HAGH: variants seen among roughly 807,000 people sequenced by gnomAD.
The protein encoded by HAGH is hydroxyacylglutathione hydrolase.
A neutral mutation model predicts 35.1 loss-of-function variants in HAGH; 29 were observed. The observed-to-expected ratio is 0.83, with a 90% CI of 0.62 to 1.13. The LOEUF is 1.13. HAGH is among the 50% of genes most tolerant of loss of function. The pLI is 0.00. For missense variants in HAGH, 478 were observed against 419.6 expected (o/e 1.14, Z -1.22); for synonymous variants, 225 against 176.1 (o/e 1.28, Z -2.20).
At chr16:1,812,696 G>A (rs893391402) in intron 7 of HAGH, among the ~76,000 whole-genome samples, 1 of 152,062 alleles carries the variant, frequency 6.6e-6, no homozygotes, top group African/African-American at 2.4e-5. Context: ...TTCTTAGATG[G>A]GAGACAAAAA....
chr16:1,813,171 G>C (rs916164943), intron 7 of HAGH, among the ~76,000 whole-genome samples: 1 of 152,188 alleles, frequency 6.6e-6, no homozygotes, highest in Non-Finnish European at 1.5e-5. Flanking sequence ...CCTGCTCCAA[G>C]TGCGAGTTTT....
intron 7 of HAGH, among the ~76,000 whole-genome samples, chr16:1,814,407 G>T (rs1430970551): frequency 6.6e-6 from 1 of 151,460 alleles, no homozygotes; most frequent in African/African-American, 2.4e-5. Flanking sequence ...CCAGGAGGTG[G>T]ATGTTGCGGT....
rs143044850 is a variant in HAGH, at chr16:1,813,115, G to A, written c.748-3282C>T. Among the ~76,000 whole-genome samples the A allele has an allele frequency of 3.7e-3, 565 of 152,322 alleles. 3 individuals carry two copies. Among genetic ancestry groups the A allele is most frequent in the Non-Finnish European group, 4.6e-3 (311 of 68,034 alleles). On this transcript the variant is annotated intron_variant, in intron 7 of 8. Transcript: ENST00000397356. ...GCTCAAATCTGATCCCCAATTAATGGAGGTGTTTGGATCATGGGGGGAATC... is the reference window on the plus strand; with the variant it reads ...GCTCAAATCTGATCCCCAATTAATGAAGGTGTTTGGATCATGGGGGGAATC...
Position 1,809,430 on chromosome 16 carries a change from C to A in HAGH, c.828-48G>T, listed in dbSNP as rs1444988223. 21 of 1,491,342 alleles carry A rather than the reference C, an allele frequency of 1.4e-5. 1 individual carries two copies. Among genetic ancestry groups the A allele is most frequent in the Non-Finnish European group, 1.9e-5 (20 of 1,078,990 alleles). 92.4% of individuals were successfully genotyped at this position (1,491,342 alleles called of 1,614,324 possible). ...GCAGGCTGTGCCGAGCCACGCCCAC[C>A]GGAGGAGCCAGGGCCACTGCAGAGG... On this transcript the variant is annotated intron_variant, in intron 8 of 8. Transcript: ENST00000397356.
upstream of HAGH, chr16:1,826,827 C>A: frequency 8.3e-7 from 1 of 1,200,024 alleles, no homozygotes; most frequent in Non-Finnish European, 1.1e-6. Flanking sequence ...CCCAGGACTG[C>A]AAAACACCGG....
upstream of HAGH, chr16:1,826,951 C>T: frequency 1.6e-6 from 1 of 626,354 alleles, no homozygotes; most frequent in Non-Finnish European, 2.5e-6. Flanking sequence ...TTGTTTTGTC[C>T]GCGAGCCCCG....
chr16:1,814,124 CTT>C (rs1897781039), intron 7 of HAGH, among the ~76,000 whole-genome samples: 1 of 152,178 alleles, frequency 6.6e-6, no homozygotes, highest in Non-Finnish European at 1.5e-5. Context: ...AGGAGAAAGT[CTT>C]TGTGAGCTAA....
intron 8 of HAGH, 66 bp from the exon 9 acceptor site, chr16:1,809,448 T>C (rs761256179): frequency 7.4e-7 from 1 of 1,342,584 alleles, no homozygotes; most frequent in Non-Finnish European, 1.1e-6. Flanking sequence ...CCAGGGCCAC[T>C]GCAGAGGAAG....
In HAGH at chr16:1,820,080, G is replaced by A. The variant is rs1010866753; in HGVS notation, c.315-66C>T. ...AGGGGGCTGCCTGCTGAGCTGAGGGGGCTGCCTGCTGAGCTGAGGGGCTGC... is the reference window on the plus strand; with the variant it reads ...AGGGGGCTGCCTGCTGAGCTGAGGGAGCTGCCTGCTGAGCTGAGGGGCTGC... On this transcript the variant is annotated intron_variant, in intron 3 of 8. Coordinates refer to ENST00000397356, the MANE Select transcript of HAGH (RefSeq NM_005326.6). 11 of 832,544 alleles carry A rather than the reference G, an allele frequency of 1.3e-5. No individual in the cohort carries two copies. In the South Asian group the frequency reaches 1.5e-4, roughly 12 times the overall value. The allele number at this position is 832,544 out of a possible 1,614,324, so 51.6% of individuals were successfully genotyped here.
At chr16:1,813,600 A>G (rs1372474747) in intron 7 of HAGH, among the ~76,000 whole-genome samples, 1 of 152,254 alleles carries the variant, frequency 6.6e-6, no homozygotes, top group Non-Finnish European at 1.5e-5. Context: ...TCATAGATGG[A>G]AAGCTCACAG....
intron 4 of HAGH, among the ~76,000 whole-genome samples, chr16:1,819,594 AG>A (rs1476249668): frequency 1.3e-5 from 2 of 152,148 alleles, no homozygotes; most frequent in Non-Finnish European, 2.9e-5. Context: ...ACCCTCAAAA[AG>A]GCTGAAGACA....
At chr16:1,821,948 T>TTG (rs1324605008) in intron 3 of HAGH, 80 of 122,602 alleles carry the variant, frequency 6.5e-4, no homozygotes, top group South Asian at 1.0e-3. Context: ...TTTTTTGTTT[T>TTG]TTTGTTTTTT....
intron 3 of HAGH, among the ~76,000 whole-genome samples, chr16:1,820,537 A>T (rs993864712): frequency 1.5e-4 from 23 of 152,180 alleles, no homozygotes; most frequent in African/African-American, 5.3e-4. Flanking sequence ...AGCTGGCCCT[A>T]GACGCGGCCT....
intron 1 of HAGH, among the ~76,000 whole-genome samples, chr16:1,824,355 A>G (rs1898300211): frequency 6.6e-6 from 1 of 152,188 alleles, no homozygotes; most frequent in Non-Finnish European, 1.5e-5. Context: ...AGGACACAAA[A>G]CCACCATCCA....
In HAGH at chr16:1,816,131, G is replaced by A. The variant is rs139653240; in HGVS notation, c.747+762C>T. Among the ~76,000 whole-genome samples the A allele has an allele frequency of 6.2e-3, 910 of 147,760 alleles. 14 individuals are homozygous for A. Among genetic ancestry groups the A allele is most frequent in the African/African-American group, 0.022 (887 of 40,110 alleles). ...AGCAGGGAGAATTTCTTGAACCCGG[G>A]AGGTGCTGGTTGCAGTGAGCCGAGA... On this transcript the variant is annotated intron_variant, in intron 7 of 8. Transcript: ENST00000397356.
chr16:1,812,875 C>CGTGGGCTGGCTCCACCGT (rs1010281023), intron 7 of HAGH, among the ~76,000 whole-genome samples: 1 of 151,480 alleles, frequency 6.6e-6, no homozygotes, highest in Admixed American at 6.6e-5. Flanking sequence ...GGCTCCACCG[C>CGTGGGCTGGCTCCACCGT]GTGGGCTGGC....
At chr16:1,824,522 G>A (rs1003959720) in intron 1 of HAGH, among the ~76,000 whole-genome samples, 14 of 151,862 alleles carry the variant, frequency 9.2e-5, no homozygotes, top group Non-Finnish European at 1.9e-4. Flanking sequence ...TGGGGGCCCC[G>A]ACAATACCTT....
intron 7 of HAGH, 102 bp downstream of exon 7, chr16:1,816,779 AGGCCTGCTCTCT>A (rs1466793858): frequency 2.9e-6 from 2 of 700,270 alleles, no homozygotes; most frequent in Admixed American, 2.1e-5. Context: ...CCTGAATCCC[AGGCCTGCTCTCT>A]GGGCTCAGAG....
At position 1,817,196 on chromosome 16, in the gene HAGH, T is replaced by A. The variant is rs761148052; in HGVS notation, c.617A>T (p.Glu206Val). ...TADEMCKALL[E>V]VLGRLPPDTR... is the part of the protein sequence containing the mutation. Reference sequence around the variant, plus strand: ...GTCCGGGGGGAGCCGGCCCAAGACCTCCAGCAGAGCTTTACACATCTCATC... The same window carrying A: ...GTCCGGGGGGAGCCGGCCCAAGACCACCAGCAGAGCTTTACACATCTCATC... Residue 206 changes from glutamate to valine, a missense_variant, in exon 6 of 9, where the codon GAG becomes GTG. Coordinates refer to ENST00000397356, the MANE Select transcript of HAGH (RefSeq NM_005326.6). 6.2e-7 allele frequency: 1 copy of A among 1,612,078 alleles called. No homozygotes were observed. The highest frequency in any genetic ancestry group is 8.5e-7 in the Non-Finnish European group (1 of 1,178,426).
Sources: allele counts gnomAD v4.1 joint callset (sites outside exome capture counted in the v4.1 genomes callset), GRCh38; gene constraint gnomAD v4.1.1; transcripts MANE v1.5; gene names NCBI Gene and HGNC (gene_info 2026-07-23, HGNC 2026-07-21).